The following PKIB variants were observed in gnomAD, a reference collection of about 807,000 sequenced individuals.
PKIB encodes PKI-beta.
A neutral mutation model predicts 4.5 loss-of-function variants in PKIB; 2 were observed. The ratio of observed to expected loss-of-function variants is 0.44; its 90% CI spans 0.18 to 1.39. PKIB has a LOEUF of 1.39. Among genes scored for constraint, PKIB ranks in the 40% most tolerant of loss-of-function variants. PKIB has a pLI of 0.27. For synonymous variants in PKIB, 38 were observed against 36.0 expected, an observed-to-expected ratio of 1.06 and a Z score of -0.20; for missense variants, 94 against 92.6, an observed-to-expected ratio of 1.02 and a Z score of -0.06.
chr6:122,491,717 T>A (rs189763420), intron 2 of PKIB, among the ~76,000 whole-genome samples: 77 of 152,316 alleles, frequency 5.1e-4, no homozygotes, highest in African/African-American at 1.6e-3. Flanking sequence ...AGCCTTTGAA[T>A]ACACACTCCT....
At chr6:122,609,793 G>A (rs1017161632), upstream of PKIB, among the ~76,000 whole-genome samples, 1 of 152,162 alleles carries the variant, frequency 6.6e-6, no homozygotes, top group Non-Finnish European at 1.5e-5. Context: ...GAACCTGAAA[G>A]TGAAACTTGA....
chr6:122,515,040 A>G (rs1361652582), intron 2 of PKIB, among the ~76,000 whole-genome samples: 4 of 152,182 alleles, frequency 2.6e-5, no homozygotes, highest in African/African-American at 4.8e-5. Context: ...CAGTAAAACT[A>G]TTTTACTTTT....
intron 2 of PKIB, among the ~76,000 whole-genome samples, chr6:122,674,643 A>G (rs1188826000): frequency 6.6e-6 from 1 of 152,214 alleles, no homozygotes; most frequent in African/African-American, 2.4e-5. Flanking sequence ...TGGAGGGTGC[A>G]GAAGATTCTC....
intron 3 of PKIB, among the ~76,000 whole-genome samples, chr6:122,598,502 G>A (rs1055514715): frequency 6.6e-5 from 10 of 152,240 alleles, no homozygotes; most frequent in South Asian, 2.1e-4. Flanking sequence ...GAGTGACTGC[G>A]GTTCCCACCA....
At chr6:122,472,794 C>T (rs925492478) in intron 1 of PKIB, among the ~76,000 whole-genome samples, 1 of 152,088 alleles carries the variant, frequency 6.6e-6, no homozygotes, top group African/African-American at 2.4e-5. Context: ...TTGTAGACCA[C>T]TCTTAAAGCA....
At chr6:122,600,073 C>G (rs1211177899) in intron 3 of PKIB, among the ~76,000 whole-genome samples, 1 of 151,860 alleles carries the variant, frequency 6.6e-6, no homozygotes, top group Non-Finnish European at 1.5e-5. Flanking sequence ...TAAGTATTAG[C>G]TTACATGATC....
chr6:122,527,887 A>T (rs1777140338), intron 2 of PKIB, among the ~76,000 whole-genome samples: 1 of 152,168 alleles, frequency 6.6e-6, no homozygotes, highest in African/African-American at 2.4e-5. Flanking sequence ...AACTGTAATA[A>T]AATGAAGTAC....
Position 122,676,118 on chromosome 6 carries a change from G to A in PKIB, c.-9+974G>A, listed in dbSNP as rs113494465. ...ATCACAATGTAGAATCAATGGGAGCGCTGAGCTTGTTTTCCTGCAACTAGA... is the reference window on the plus strand; with the variant it reads ...ATCACAATGTAGAATCAATGGGAGCACTGAGCTTGTTTTCCTGCAACTAGA... On this transcript the variant is annotated intron_variant, in intron 3 of 4. Transcript: ENST00000368452. Among the ~76,000 whole-genome samples the A allele has an allele frequency of 7.0e-3, 1,068 of 151,724 alleles. 13 individuals carry two copies. The highest frequency in any genetic ancestry group is 0.022 in the African/African-American group (905 of 41,352).
At chr6:122,650,177 A>G (rs890833260) in intron 2 of PKIB, among the ~76,000 whole-genome samples, 1 of 152,102 alleles carries the variant, frequency 6.6e-6, no homozygotes, top group Non-Finnish European at 1.5e-5. Flanking sequence ...TAGAAAGGAT[A>G]TGTCTAACAT....
intron 2 of PKIB, among the ~76,000 whole-genome samples, chr6:122,541,525 T>G (rs1440495659): frequency 3.9e-5 from 6 of 152,014 alleles, no homozygotes; most frequent in South Asian, 2.1e-4. Context: ...CTCTCTTCTG[T>G]CTTGTAGAGT....
chr6:122,663,331 A>G (rs1263308140), intron 2 of PKIB, among the ~76,000 whole-genome samples: 1 of 152,198 alleles, frequency 6.6e-6, no homozygotes, highest in Non-Finnish European at 1.5e-5. Flanking sequence ...AACCTGAAAG[A>G]AGAGCCTGTT....
intron 3 of PKIB, among the ~76,000 whole-genome samples, chr6:122,697,878 G>T (rs1406908187): frequency 6.6e-6 from 1 of 152,084 alleles, no homozygotes; most frequent in African/African-American, 2.4e-5. Context: ...GCCTTGTATT[G>T]TGGCCTTAGG....
chr6:122,484,222 T>C (rs1198356413), intron 2 of PKIB: 1 of 152,000 alleles, frequency 6.6e-6, no homozygotes, highest in African/African-American at 2.4e-5. Flanking sequence ...AATATATTCA[T>C]ATACTTTTAA....
intron 3 of PKIB, among the ~76,000 whole-genome samples, chr6:122,591,172 C>G (rs1562262371): frequency 6.7e-6 from 1 of 150,236 alleles, no homozygotes; most frequent in Non-Finnish European, 1.5e-5. Flanking sequence ...AAGGTCCCCC[C>G]CCACATCTAA....
At chr6:122,636,250 A>G (rs1379428059) in intron 2 of PKIB, among the ~76,000 whole-genome samples, 2 of 152,110 alleles carry the variant, frequency 1.3e-5, no homozygotes, top group Non-Finnish European at 2.9e-5. Context: ...TGCCTCTCAA[A>G]GGTTATAATT....
At chr6:122,494,659 G>A (rs1307127152) in intron 2 of PKIB, among the ~76,000 whole-genome samples, 4 of 152,172 alleles carry the variant, frequency 2.6e-5, no homozygotes, top group East Asian at 1.9e-4. Context: ...GAGAAACAGG[G>A]TAGAGAGTAA....
At chr6:122,674,343 C>G (rs1158224076) in intron 2 of PKIB, among the ~76,000 whole-genome samples, 2 of 152,042 alleles carry the variant, frequency 1.3e-5, no homozygotes, top group Non-Finnish European at 2.9e-5. Flanking sequence ...TGCCACAGTC[C>G]AGGAAGAGTG....
chr6:122,674,425 G>C (rs768617372), intron 2 of PKIB, among the ~76,000 whole-genome samples: 1 of 152,092 alleles, frequency 6.6e-6, no homozygotes, highest in Non-Finnish European at 1.5e-5. Flanking sequence ...GCTATGAGTG[G>C]CTAATGTGCA....
chr6:122,696,907 T>A (rs1778598069), intron 3 of PKIB, among the ~76,000 whole-genome samples: 1 of 152,186 alleles, frequency 6.6e-6, no homozygotes, highest in South Asian at 2.1e-4. Context: ...ATGCTATTAG[T>A]GGTAGGGTGT....
Sources: allele counts gnomAD v4.1 joint callset (sites outside exome capture counted in the v4.1 genomes callset), GRCh38; gene constraint gnomAD v4.1.1; transcripts MANE v1.5; gene names NCBI Gene and HGNC (gene_info 2026-07-23, HGNC 2026-07-21).